Variants in COQ8A observed in about 807,000 individuals in gnomAD.
The protein encoded by COQ8A is atypical kinase COQ8A, mitochondrial.
In COQ8A, 51 loss-of-function variants were observed where a neutral mutation model predicts 65.0. The observed-to-expected ratio is 0.78, with a 90% CI of 0.63 to 0.99. The LOEUF (loss-of-function observed/expected upper bound fraction) is 0.99. Among genes scored for constraint, COQ8A ranks in the 50% least tolerant of loss-of-function variants. The pLI, the probability that COQ8A is intolerant of heterozygous loss-of-function variation, is 0.00. For missense variants in COQ8A, 940 were observed against 875.0 expected, an observed-to-expected ratio of 1.07 and a Z score of -0.94; for synonymous variants, 371 against 353.2, an observed-to-expected ratio of 1.05 and a Z score of -0.57.
At chr1:226,973,542 C>T (rs1659020634) in intron 4 of COQ8A, among the ~76,000 whole-genome samples, 1 of 152,230 alleles carries the variant, frequency 6.6e-6, no homozygotes, top group African/African-American at 2.4e-5. Context: ...CCCCACCAGT[C>T]CAGTTCTGGG....
chr1:226,950,456 G>C (rs1657309363), intron 1 of COQ8A, among the ~76,000 whole-genome samples: 1 of 152,220 alleles, frequency 6.6e-6, no homozygotes, highest in South Asian at 2.1e-4. Flanking sequence ...CCTGAGCCAT[G>C]ATGGATCCAG....
At chr1:226,947,766 C>T (rs1657130118) in intron 1 of COQ8A, among the ~76,000 whole-genome samples, 1 of 151,474 alleles carries the variant, frequency 6.6e-6, no homozygotes, top group African/African-American at 2.4e-5. Context: ...CACTGAATTC[C>T]AACCTAGGCA....
In COQ8A at chr1:226,983,342, A is replaced by G. The variant is rs1054560770; in HGVS notation, c.1081-210A>G. On this transcript the variant is annotated intron_variant, in intron 8 of 14. Transcript: ENST00000366777. ...GGGAGGGTGGCCGTGAGCTGTTCCCAGGGGTGAGGTGAGGCAGGAGTAGGT... is the reference window on the plus strand; with the variant it reads ...GGGAGGGTGGCCGTGAGCTGTTCCCGGGGGTGAGGTGAGGCAGGAGTAGGT... 8.9e-6 allele frequency: 6 copies of G among 672,330 alleles called. No homozygotes were observed. In the Admixed American group the frequency reaches 1.3e-4, roughly 15 times the overall value. The allele number at this position is 672,330 out of a possible 1,614,324, so 41.6% of individuals were successfully genotyped here.
intron 1 of COQ8A, among the ~76,000 whole-genome samples, chr1:226,948,634 C>T (rs1428157166): frequency 1.3e-5 from 2 of 152,120 alleles, no homozygotes; most frequent in East Asian, 1.9e-4. Flanking sequence ...GGCAGTGGTT[C>T]GTGAATTCAG....
chr1:226,952,066 T>A (rs999925841), intron 1 of COQ8A, among the ~76,000 whole-genome samples: 1 of 152,232 alleles, frequency 6.6e-6, no homozygotes, highest in African/African-American at 2.4e-5. Context: ...CCTTTCATTA[T>A]TTCCGTCTTT....
intron 4 of COQ8A, among the ~76,000 whole-genome samples, chr1:226,973,802 A>C (rs935463729): frequency 6.6e-6 from 1 of 152,234 alleles, no homozygotes; most frequent in Non-Finnish European, 1.5e-5. Flanking sequence ...TTTCTTGTCT[A>C]TTAGATGAGG....
At chr1:226,979,972 C>T (rs935577780) in intron 5 of COQ8A, among the ~76,000 whole-genome samples, 1 of 152,242 alleles carries the variant, frequency 6.6e-6, no homozygotes, top group Non-Finnish European at 1.5e-5. Context: ...AGGCTGGCTT[C>T]ACAGTTACAG....
chr1:226,982,964 C>T lies in COQ8A; in HGVS notation c.1010C>T (p.Ala337Val). 8 of 1,604,896 alleles carry T rather than the reference C, an allele frequency of 5.0e-6. No homozygotes were observed. Among genetic ancestry groups the T allele is most frequent in the Non-Finnish European group, 6.8e-6 (8 of 1,176,364 alleles). ...GAATACTTCGAGGAGCGGCCCTTCG[C>T]CGCCGCATCCATTGGGCAGGTGCAC... is the stretch of plus-strand genomic sequence containing the variant. ...KLEYFEERPFAAASIGQVHLA... is the reference protein window; with the variant it reads ...KLEYFEERPFVAASIGQVHLA... Residue 337 changes from alanine (A) to valine (V), a missense_variant, in exon 8 of 15, where the codon GCC (alanine) becomes GTC (valine). Physicochemically the swap from Ala to Val is moderately conservative, Grantham distance 64. Transcript: ENST00000366777.
intron 4 of COQ8A, chr1:226,974,739 G>A (rs1302473604): frequency 2.6e-5 from 4 of 152,818 alleles, no homozygotes; most frequent in Non-Finnish European, 4.4e-5. Flanking sequence ...GTCTGTCAGT[G>A]GGCAGCGCCT....
intron 1 of COQ8A, among the ~76,000 whole-genome samples, chr1:226,953,448 T>G (rs1657511774): frequency 6.6e-6 from 1 of 152,206 alleles, no homozygotes; most frequent in Non-Finnish European, 1.5e-5. Flanking sequence ...CACATCTGTT[T>G]TTAGGGAGAT....
At chr1:226,945,238 C>T (rs1656962560) in intron 1 of COQ8A, among the ~76,000 whole-genome samples, 1 of 152,166 alleles carries the variant, frequency 6.6e-6, no homozygotes, top group African/African-American at 2.4e-5. Flanking sequence ...AAGCGGTGTG[C>T]CTGAGGTCAC....
chr1:226,985,064 C>A, intron 13 of COQ8A, 123 bp downstream of exon 13: 2 of 1,359,722 alleles, frequency 1.5e-6, no homozygotes, highest in Non-Finnish European at 2.1e-6. Flanking sequence ...GCGCTGCCTG[C>A]CCCTCAGGTC....
chr1:226,977,789 C>T lies in COQ8A; in HGVS notation c.730+266C>T, dbSNP rs531980636. On this transcript the variant is annotated intron_variant, in intron 5 of 14. Transcript: ENST00000366777. ...CTTTTTGGCTGCCTGCACATCCACA[C>T]GCCTTCTGCACACCTGGACACCTTA... Among the ~76,000 whole-genome samples the T allele has an allele frequency of 1.1e-3, 168 of 152,012 alleles. 2 individuals are homozygous for T. The highest frequency in any genetic ancestry group is 3.6e-3 in the African/African-American group (149 of 41,426).
In COQ8A at chr1:226,977,531, G is replaced by C. The variant is rs533407862; in HGVS notation, c.730+8G>C. The C allele has an allele frequency of 1.3e-6, 2 of 1,554,288 alleles. No individual in the cohort carries two copies. Among genetic ancestry groups the C allele is most frequent in the Non-Finnish European group, 1.7e-6 (2 of 1,148,644 alleles). On this transcript the variant is annotated splice_region_variant and intron_variant, in intron 5 of 14. Coordinates refer to ENST00000366777, the MANE Select transcript of COQ8A (RefSeq NM_020247.5). Reference sequence around the variant, plus strand: ...GCTCCGAGGACCCCTCAGGTGAGCCGGGCCCTTCAGTGGGAGGGGCAGGGT... The same window carrying C: ...GCTCCGAGGACCCCTCAGGTGAGCCCGGCCCTTCAGTGGGAGGGGCAGGGT...
intron 4 of COQ8A, among the ~76,000 whole-genome samples, chr1:226,976,895 G>A (rs1025091960): frequency 6.6e-6 from 1 of 152,164 alleles, no homozygotes; most frequent in Non-Finnish European, 1.5e-5. Flanking sequence ...CCTGAGCCCC[G>A]CGAGTTCCCC....
chr1:226,961,888 C>T (rs1482528128), intron 2 of COQ8A, among the ~76,000 whole-genome samples: 1 of 152,198 alleles, frequency 6.6e-6, no homozygotes, highest in Non-Finnish European at 1.5e-5. Context: ...AGATGGCCAT[C>T]TTCTCACTGT....
chr1:226,966,819 C>T (rs1006481502), intron 4 of COQ8A, among the ~76,000 whole-genome samples: 1 of 152,190 alleles, frequency 6.6e-6, no homozygotes, highest in African/African-American at 2.4e-5. Context: ...CAGAGGCTCA[C>T]GTACTGTGCT....
chr1:226,963,278 A>G (rs1201007413), intron 2 of COQ8A, among the ~76,000 whole-genome samples: 1 of 150,128 alleles, frequency 6.7e-6, no homozygotes, highest in African/African-American at 2.4e-5. Context: ...GTGCGCTGCC[A>G]TTCACTCCCT....
chr1:226,947,535 G>A (rs1183059652), intron 1 of COQ8A, among the ~76,000 whole-genome samples: 4 of 152,232 alleles, frequency 2.6e-5, no homozygotes, highest in Non-Finnish European at 4.4e-5. Context: ...GGCCAGGCAC[G>A]GTGACTCACA....
Sources: gnomAD v4.1 joint callset for allele counts (sites outside exome capture counted in the v4.1 genomes callset) on GRCh38, gnomAD v4.1.1 for gene constraint, MANE v1.5 for transcripts, NCBI Gene and HGNC (gene_info 2026-07-23, HGNC 2026-07-21) for gene names.